SLC10A3: variants seen among roughly 807,000 people sequenced by gnomAD.
SLC10A3 encodes P3 protein.
A neutral mutation model predicts 1.9 loss-of-function variants in SLC10A3; 1 was observed. The ratio of observed to expected loss-of-function variants is 0.52; its 90% CI spans 0.19 to 2.48. The LOEUF is 2.48. SLC10A3 is among the 30% of genes most tolerant of loss of function. The pLI is 0.25. For synonymous variants in SLC10A3, 202 were observed against 189.3 expected (o/e 1.07, Z -0.55); for missense variants, 317 against 398.5 (o/e 0.80, Z 1.74).
At chrX:154,489,787 C>T in intron 1 of SLC10A3, 21 of 753,656 alleles carry the variant, frequency 2.8e-5, no homozygotes, top group Non-Finnish European at 3.3e-5. Context: ...AGATCCTATC[C>T]GTCTTTGGCA....
At chrX:154,489,982 A>G in intron 1 of SLC10A3, 1 of 1,065,653 alleles carries the variant, frequency 9.4e-7, no homozygotes, top group Non-Finnish European at 1.2e-6. Context: ...ACCTCTGAAG[A>G]GGGAGGCAGG....
rs782457306 is a variant in SLC10A3 at position 154,487,776 on chromosome X, C to G, written c.1165G>C (p.Gly389Arg). 6 of 1,211,213 alleles carry G rather than the reference C, an allele frequency of 5.0e-6. No homozygotes were observed. Among genetic ancestry groups the G allele is most frequent in the Non-Finnish European group, 6.7e-6 (6 of 895,536 alleles). Residue 389 changes from glycine (G) to arginine (R), a missense_variant, in exon 2 of 2, where the codon GGT becomes CGT. Physicochemically the swap from Gly to Arg is moderately radical, Grantham distance 125. Coordinates refer to ENST00000651600, the MANE Select transcript of SLC10A3 (RefSeq NM_019848.5). ...AGIRLPIVLVGITVPLVGLLV... is the reference protein window; with the variant it reads ...AGIRLPIVLVRITVPLVGLLV... The stretch of plus-strand genomic sequence containing the variant: ...AGGCCAACCAGGGGCACCGTGATAC[C>G]CACCAGTACGATGGGTAGCCGGATG...
Position 154,487,690 on chromosome X carries a change from G to A in SLC10A3, c.1251C>T (p.Val417=), listed in dbSNP as rs782815918. The change falls in exon 2 of 2, where the codon GTC becomes GTT. Residue 417 remains valine (V), a synonymous_variant. Transcript: ENST00000651600. ...TGTTCTGCACCCCTACCTCAATGCTGACCGTCCGCCGCTGGGCCACTGGCA... is the reference window on the plus strand; with the variant it reads ...TGTTCTGCACCCCTACCTCAATGCTAACCGTCCGCCGCTGGGCCACTGGCA... ...LKLPVAQRRT[V]SIEVGVQNSL... The A allele has an allele frequency of 8.3e-7, 1 of 1,210,313 alleles. No individual in the cohort carries two copies. The highest frequency in any genetic ancestry group is 1.8e-5 in the South Asian group (1 of 56,874).
Position 154,487,486 on chromosome X carries a change from T to C in SLC10A3, c.*21A>G. The C allele has an allele frequency of 8.3e-7, 1 of 1,210,099 alleles. No individual in the cohort carries two copies. The highest frequency in any genetic ancestry group is 1.7e-5 in the African/African-American group (1 of 57,722). On this transcript the variant is annotated 3_prime_UTR_variant, in exon 2 of 2. Transcript: ENST00000651600. ...GGTGGAGTGTGGGGGCTGGGGCTGA[T>C]GAAAGCTTGACCCAGAGGCCTCAGG...
chrX:154,490,173 C>T lies in SLC10A3; in HGVS notation c.-143+134G>A, dbSNP rs369137734. The T allele has an allele frequency of 1.1e-5, 10 of 921,412 alleles. No homozygotes were observed. The South Asian group carries it at 5.5e-4, about 51-fold the overall frequency. The allele number at this position is 921,412 out of a possible 1,213,427, so 75.9% of individuals were successfully genotyped here. On this transcript the variant is annotated intron_variant, in intron 1 of 1. Transcript: ENST00000651600. Reference sequence around the variant, plus strand: ...CTCCAAGAGGGGTTTGGCCCAGATCCCACACCATTTCTGCTTGAGGGGCCG... The same window carrying T: ...CTCCAAGAGGGGTTTGGCCCAGATCTCACACCATTTCTGCTTGAGGGGCCG...
chrX:154,488,813 T>G lies in SLC10A3; in HGVS notation c.128A>C (p.Gln43Pro), dbSNP rs781991115. The G allele has an allele frequency of 1.7e-4, 211 of 1,209,528 alleles. No homozygotes were observed. Among genetic ancestry groups the G allele is most frequent in the Non-Finnish European group, 2.2e-4 (201 of 894,965 alleles). The change falls in exon 2 of 2, where the codon CAA becomes CCA. Residue 43 changes from glutamine (Q) to proline (P), a missense_variant. Coordinates refer to ENST00000651600, the MANE Select transcript of SLC10A3 (RefSeq NM_019848.5). ...LLLISLPWGA[Q>P]GTASTSLSTA... ...GCTGAGGCTGGTGCTGGCTGTCCCTTGGGCCCCCCATGGCAGGCTGATGAG... is the reference window on the plus strand; with the variant it reads ...GCTGAGGCTGGTGCTGGCTGTCCCTGGGGCCCCCCATGGCAGGCTGATGAG...
At position 154,487,423 on chromosome X, in the gene SLC10A3, G is replaced by T. The variant is rs2069313237; in HGVS notation, c.*84C>A. The T allele has an allele frequency of 1.8e-6, 2 of 1,099,086 alleles. No homozygotes were observed. Among genetic ancestry groups the T allele is most frequent in the East Asian group, 6.2e-5 (2 of 32,123 alleles). The allele number at this position is 1,099,086 out of a possible 1,213,427, so 90.6% of individuals were successfully genotyped here. ...AATAAAAAATCAGTAAAAAAAATAA[G>T]CCTGGATTTTTCTGAGTGCATAGTG... is the stretch of plus-strand genomic sequence containing the variant. On this transcript the variant is annotated 3_prime_UTR_variant, in exon 2 of 2. Transcript: ENST00000651600.
chrX:154,488,137 C>T lies in SLC10A3; in HGVS notation c.804G>A (p.Gly268=). ...GAAGGAGGCTGAAGAGGTAGCTCCC[C>T]CCGCCGCCAGGCGACGAGCAGGTGA... ...LIITCSSPGG[G]GSYLFSLLLG... is the part of the protein sequence containing the mutation. Residue 268 remains glycine, a synonymous_variant, in exon 2 of 2, where the codon GGG becomes GGA. Coordinates refer to ENST00000651600, the MANE Select transcript of SLC10A3 (RefSeq NM_019848.5). 1.7e-6 allele frequency: 2 copies of T among 1,211,200 alleles called. No homozygotes were observed. The highest frequency in any genetic ancestry group is 2.2e-6 in the Non-Finnish European group (2 of 895,431).
In SLC10A3 at chrX:154,487,628, C is replaced by T. The variant is rs1186667852; in HGVS notation, c.1313G>A (p.Arg438His). The T allele has an allele frequency of 8.3e-6, 10 of 1,208,782 alleles. No homozygotes were observed. Among genetic ancestry groups the T allele is most frequent in the South Asian group, 3.5e-5 (2 of 56,711 alleles). ...GGAGGCATAGTCAGCTTGAAGGCGG[C>T]GGAGGGATAGCTGCAGCATGGCCAA... ...LALAMLQLSL[R>H]RLQADYASQA... Residue 438 changes from arginine (R) to histidine (H), a missense_variant, in exon 2 of 2, where the codon CGC becomes CAC. Coordinates refer to ENST00000651600, the MANE Select transcript of SLC10A3 (RefSeq NM_019848.5).
At position 154,488,287 on chromosome X, in the gene SLC10A3, C is replaced by T. The variant is rs782390480; in HGVS notation, c.654G>A (p.Gly218=). Residue 218 remains glycine, a synonymous_variant, in exon 2 of 2, where the codon GGG becomes GGA. Coordinates refer to ENST00000651600, the MANE Select transcript of SLC10A3 (RefSeq NM_019848.5). ...GCKVELEVLK[G]LMQSPQPMLL... ...GCATGGGCTGGGGGCTCTGCATGAG[C>T]CCCTTCAGAACCTCGAGTTCCACTT... 1 of 1,209,844 alleles carries T rather than the reference C, an allele frequency of 8.3e-7. No homozygotes were observed. The highest frequency in any genetic ancestry group is 2.2e-5 in the Admixed American group (1 of 45,925).
intron 1 of SLC10A3, chrX:154,490,078 C>A: frequency 1.0e-6 from 1 of 968,849 alleles, no homozygotes; most frequent in South Asian, 4.5e-5. Flanking sequence ...CAAACCAGCT[C>A]AGAAGGGAAA....
In SLC10A3 at chrX:154,488,139, C is replaced by T. The variant is rs1362084762; in HGVS notation, c.802G>A (p.Gly268Arg). The T allele has an allele frequency of 6.6e-6, 8 of 1,209,488 alleles. No individual in the cohort carries two copies. Among genetic ancestry groups the T allele is most frequent in the African/African-American group, 1.7e-5 (1 of 57,184 alleles). ...AGGAGGCTGAAGAGGTAGCTCCCCCCGCCGCCAGGCGACGAGCAGGTGATG... is the reference window on the plus strand; with the variant it reads ...AGGAGGCTGAAGAGGTAGCTCCCCCTGCCGCCAGGCGACGAGCAGGTGATG... ...LIITCSSPGG[G>R]GSYLFSLLLG... Residue 268 changes from glycine to arginine, a missense_variant, in exon 2 of 2, where the codon GGG (glycine) becomes AGG (arginine). Coordinates refer to ENST00000651600, the MANE Select transcript of SLC10A3 (RefSeq NM_019848.5).
chrX:154,490,371 A>T lies in SLC10A3; in HGVS notation c.-207T>A, dbSNP rs1471555400. ...CTCGGGCGCGAACCTGGGAGGGAGG[A>T]AAGGAAGGGCACGCCGCCGTCCCAC... is the stretch of plus-strand genomic sequence containing the variant. On this transcript the variant is annotated 5_prime_UTR_variant, in exon 1 of 2. Transcript: ENST00000651600. 2 of 756,859 alleles carry T rather than the reference A, an allele frequency of 2.6e-6. No individual in the cohort carries two copies. The highest frequency in any genetic ancestry group is 8.6e-5 in the Admixed American group (1 of 11,567). 62.4% of individuals were successfully genotyped at this position (756,859 alleles called of 1,213,427 possible).
In SLC10A3 at chrX:154,490,149, T is replaced by G. The variant is rs2148275003; in HGVS notation, c.-143+158A>C. 9.7e-6 allele frequency: 9 copies of G among 929,557 alleles called. No individual in the cohort carries two copies. In the South Asian group the frequency reaches 1.8e-4, roughly 18 times the overall value. 76.6% of individuals were successfully genotyped at this position (929,557 alleles called of 1,213,427 possible). On this transcript the variant is annotated intron_variant, in intron 1 of 1. Transcript: ENST00000651600. ...AGTAGGGCTGGCGGCTCTGAGTCAC[T>G]CCAAGAGGGGTTTGGCCCAGATCCC...
rs782651613 is a variant in SLC10A3, at chrX:154,488,594, G to A, written c.347C>T (p.Thr116Ile). 1 of 1,211,337 alleles carries A rather than the reference G, an allele frequency of 8.3e-7. No homozygotes were observed. The highest frequency in any genetic ancestry group is 1.8e-5 in the South Asian group (1 of 56,992). Residue 116 changes from threonine (T) to isoleucine (I), a missense_variant, in exon 2 of 2, where the codon ACC becomes ATC. By Grantham distance (89) the Thr-to-Ile change is moderately conservative. Transcript: ENST00000651600. ...RVTSLDTEVLTIKNVSAITWG... is the reference protein window; with the variant it reads ...RVTSLDTEVLIIKNVSAITWG... Reference sequence around the variant, plus strand: ...GGTTATAGCACTCACGTTCTTGATGGTCAGCACCTCTGTGTCCAGGGAGGT... The same window carrying A: ...GGTTATAGCACTCACGTTCTTGATGATCAGCACCTCTGTGTCCAGGGAGGT...
rs1557213205 is a variant in SLC10A3, at chrX:154,487,490, A to G, written c.*17T>C. The G allele has an allele frequency of 8.3e-7, 1 of 1,210,145 alleles. No homozygotes were observed. The highest frequency in any genetic ancestry group is 1.1e-6 in the Non-Finnish European group (1 of 894,999). On this transcript the variant is annotated 3_prime_UTR_variant, in exon 2 of 2. Transcript: ENST00000651600. ...GAGTGTGGGGGCTGGGGCTGATGAA[A>G]GCTTGACCCAGAGGCCTCAGGGAAC... is the stretch of plus-strand genomic sequence containing the variant.
At position 154,487,667 on chromosome X, in the gene SLC10A3, T is replaced by C; in HGVS notation, c.1274A>G (p.Asn425Ser). 8.3e-7 allele frequency: 1 copy of C among 1,209,913 alleles called. No homozygotes were observed. Among genetic ancestry groups the C allele is most frequent in the Non-Finnish European group, 1.1e-6 (1 of 894,563 alleles). The change falls in exon 2 of 2, where the codon AAC (asparagine) becomes AGC (serine). Residue 425 changes from asparagine (N) to serine (S), a missense_variant. Transcript: ENST00000651600. Reference sequence around the variant, plus strand: ...CAGCATGGCCAAGGCCAGCAGGCTGTTCTGCACCCCTACCTCAATGCTGAC... The same window carrying C: ...CAGCATGGCCAAGGCCAGCAGGCTGCTCTGCACCCCTACCTCAATGCTGAC... Reference protein sequence around the residue: ...RTVSIEVGVQNSLLALAMLQL... With the variant: ...RTVSIEVGVQSSLLALAMLQL...
At chrX:154,489,821 G>T in intron 1 of SLC10A3, 1 of 958,767 alleles carries the variant, frequency 1.0e-6, no homozygotes, top group Non-Finnish European at 1.3e-6. Flanking sequence ...ATCTGAGACT[G>T]GGGTGAGGCA....
rs782054883 is a variant in SLC10A3, at chrX:154,487,807, C to T, written c.1134G>A (p.Leu378=). The change falls in exon 2 of 2, where the codon CTG becomes CTA. Residue 378 remains leucine (L), a synonymous_variant. Coordinates refer to ENST00000651600, the MANE Select transcript of SLC10A3 (RefSeq NM_019848.5). ...FLAYRMGVFI[L]AGIRLPIVLV... Reference sequence around the variant, plus strand: ...GTACGATGGGTAGCCGGATGCCTGCCAGGATGAAGACCCCCATGCGATAGG... The same window carrying T: ...GTACGATGGGTAGCCGGATGCCTGCTAGGATGAAGACCCCCATGCGATAGG... 4.1e-6 allele frequency: 5 copies of T among 1,211,210 alleles called. No individual in the cohort carries two copies. The Admixed American group carries it at 1.1e-4, about 26-fold the overall frequency.
Sources: allele counts gnomAD v4.1 joint callset, GRCh38; gene constraint gnomAD v4.1.1; transcripts MANE v1.5; gene names NCBI Gene and HGNC (gene_info 2026-07-23, HGNC 2026-07-21).